WDPCP: variants seen among roughly 807,000 people sequenced by gnomAD.
WDPCP encodes WD repeat containing planar cell polarity effector.
A neutral mutation model predicts 93.1 loss-of-function variants in WDPCP; 71 were observed. That is an observed-to-expected ratio of 0.76 (90% CI 0.63 to 0.93). The LOEUF (loss-of-function observed/expected upper bound fraction) is 0.93. WDPCP is among the 40% of genes least tolerant of loss of function. WDPCP has a pLI of 0.00. For missense variants in WDPCP, 844 were observed against 887.4 expected, an observed-to-expected ratio of 0.95 and a Z score of 0.62; for synonymous variants, 315 against 315.0, an observed-to-expected ratio of 1.00 and a Z score of 0.00.
At chr2:63,370,609 G>T (rs1031763483) in intron 12 of WDPCP, among the ~76,000 whole-genome samples, 8 of 152,070 alleles carry the variant, frequency 5.3e-5, no homozygotes, top group Admixed American at 3.9e-4. Context: ...ATATAGCAAT[G>T]GAACCTCACT....
chr2:63,399,814 A>G (rs1480724082), intron 10 of WDPCP, among the ~76,000 whole-genome samples: 1 of 152,104 alleles, frequency 6.6e-6, no homozygotes. Flanking sequence ...TTTTTTCTTG[A>G]ACAATATTAA....
intron 13 of WDPCP, among the ~76,000 whole-genome samples, chr2:63,310,959 A>G (rs1237483642): frequency 2.6e-5 from 4 of 152,232 alleles, no homozygotes; most frequent in Admixed American, 1.3e-4. Flanking sequence ...TACTGATAAT[A>G]TCACTCTTCT....
intron 6 of WDPCP, among the ~76,000 whole-genome samples, chr2:63,455,170 CCA>C (rs1698533765): frequency 6.6e-6 from 1 of 151,482 alleles, no homozygotes; most frequent in African/African-American, 2.4e-5. Flanking sequence ...AATGGTACCA[CCA>C]CAGAAAAACA....
intron 3 of WDPCP, among the ~76,000 whole-genome samples, chr2:63,632,026 G>GGGTTATGT (rs1709869878): frequency 6.6e-6 from 1 of 152,194 alleles, no homozygotes; most frequent in Non-Finnish European, 1.5e-5. Context: ...AAAAGGATAG[G>GGGTTATGT]CTGTTATGTA....
At chr2:63,133,100 G>A (rs995971778) in intron 17 of WDPCP, among the ~76,000 whole-genome samples, 1 of 152,146 alleles carries the variant, frequency 6.6e-6, no homozygotes, top group Non-Finnish European at 1.5e-5. Context: ...GTCTTCTCAG[G>A]TCTTTACTGA....
chr2:63,271,309 A>G (rs1682620343), intron 13 of WDPCP, among the ~76,000 whole-genome samples: 1 of 152,238 alleles, frequency 6.6e-6, no homozygotes, highest in Non-Finnish European at 1.5e-5. Flanking sequence ...CCTGGGCACC[A>G]TCCTAAGGCC....
intron 2 of WDPCP, among the ~76,000 whole-genome samples, chr2:63,787,764 G>C (rs1670490437): frequency 6.6e-6 from 1 of 152,086 alleles, no homozygotes; most frequent in African/African-American, 2.4e-5. Context: ...TCCAGACCAG[G>C]CACAGTAGCT....
At chr2:63,809,935 A>C (rs1670837204) in intron 2 of WDPCP, among the ~76,000 whole-genome samples, 8 of 151,330 alleles carry the variant, frequency 5.3e-5, no homozygotes. Context: ...AATAAAATTA[A>C]ATTAAAAAAA....
intron 1 of WDPCP, among the ~76,000 whole-genome samples, chr2:63,526,343 T>C (rs1232998320): frequency 1.3e-5 from 2 of 152,218 alleles, no homozygotes; most frequent in Non-Finnish European, 2.9e-5. Context: ...AACACTATTA[T>C]GGGTATCTTT....
At chr2:63,609,383 A>G (rs1416715331) in intron 3 of WDPCP, among the ~76,000 whole-genome samples, 1 of 151,632 alleles carries the variant, frequency 6.6e-6, no homozygotes, top group Non-Finnish European at 1.5e-5. Context: ...ACAACAAAAT[A>G]TATATATATA....
At chr2:63,387,666 T>C (rs571745000) in intron 10 of WDPCP, among the ~76,000 whole-genome samples, 1 of 152,062 alleles carries the variant, frequency 6.6e-6, no homozygotes, top group Admixed American at 6.6e-5. Context: ...CACATCCAAA[T>C]AGAAGACATG....
At chr2:63,507,310 C>T (rs187039734) in intron 1 of WDPCP, among the ~76,000 whole-genome samples, 3 of 152,034 alleles carry the variant, frequency 2.0e-5, no homozygotes, top group African/African-American at 4.8e-5. Flanking sequence ...CTTTCTCAAT[C>T]GCAACACTGG....
chr2:63,471,836 C>A (rs1388713557), intron 6 of WDPCP, among the ~76,000 whole-genome samples: 1 of 152,164 alleles, frequency 6.6e-6, no homozygotes, highest in Non-Finnish European at 1.5e-5. Flanking sequence ...GGCTTTAGGG[C>A]ATCACATCTT....
chr2:63,715,671 G>T (rs1415289129), intron 2 of WDPCP, among the ~76,000 whole-genome samples: 1 of 152,174 alleles, frequency 6.6e-6, no homozygotes, highest in Non-Finnish European at 1.5e-5. Context: ...TTTATGAAAA[G>T]AATCTTGCAA....
intron 6 of WDPCP, among the ~76,000 whole-genome samples, chr2:63,449,829 T>A (rs1434133541): frequency 1.3e-5 from 2 of 152,088 alleles, no homozygotes; most frequent in Admixed American, 1.3e-4. Context: ...CAGGACTGCA[T>A]CCTGCCCTGA....
intron 2 of WDPCP, chr2:63,684,458 A>G: frequency 1.2e-6 from 1 of 803,580 alleles, no homozygotes; most frequent in South Asian, 1.3e-5. Context: ...CTACCCCCGC[A>G]AAGTGATAGC....
intron 14 of WDPCP, among the ~76,000 whole-genome samples, chr2:63,256,816 A>G (rs897172288): frequency 2.0e-5 from 3 of 152,190 alleles, no homozygotes; most frequent in Admixed American, 2.0e-4. Context: ...ATGTTGAATA[A>G]AAGGAGCCAA....
intron 12 of WDPCP, among the ~76,000 whole-genome samples, chr2:63,353,299 GC>G (rs1323863174): frequency 6.6e-6 from 1 of 152,162 alleles, no homozygotes; most frequent in African/African-American, 2.4e-5. Flanking sequence ...AAAAGTAGCT[GC>G]GGCTCCAGCA....
chr2:63,138,612 C>T (rs1160761709), intron 17 of WDPCP, among the ~76,000 whole-genome samples: 1 of 151,918 alleles, frequency 6.6e-6, no homozygotes, highest in Admixed American at 6.6e-5. Flanking sequence ...GTCACCTCGC[C>T]CGGCTAATTT....
Sources: allele counts gnomAD v4.1 joint callset (sites outside exome capture counted in the v4.1 genomes callset), GRCh38; gene constraint gnomAD v4.1.1; transcripts MANE v1.5; gene names NCBI Gene and HGNC (gene_info 2026-07-23, HGNC 2026-07-21).